NLGN1: variants seen among roughly 807,000 people sequenced by gnomAD.
The protein encoded by NLGN1 is neuroligin 1.
In NLGN1, 12 loss-of-function variants were observed where a neutral mutation model predicts 65.5. The ratio of observed to expected loss-of-function variants is 0.18; its 90% CI spans 0.12 to 0.30. NLGN1 has a LOEUF of 0.30. NLGN1 is among the 10% of genes least tolerant of loss of function. The pLI is 1.00. For missense variants in NLGN1, 750 were observed against 1,007.1 expected (o/e 0.74, Z 3.46); for synonymous variants, 350 against 359.5 (o/e 0.97, Z 0.30).
At chr3:173,839,976 A>C (rs1431015084) in intron 4 of NLGN1, among the ~76,000 whole-genome samples, 1 of 152,232 alleles carries the variant, frequency 6.6e-6, no homozygotes, top group African/African-American at 2.4e-5. Flanking sequence ...AGTGTGGTAG[A>C]TGTGGACATT....
rs117878188 is a variant in NLGN1, at chr3:173,519,182, T to G, written c.-321+84104T>G. On this transcript the variant is annotated intron_variant, in intron 2 of 6. Coordinates refer to ENST00000457714, the Ensembl canonical transcript of NLGN1. ...GAGTCTTGGAAGCCTCAGCCTAGATTACTATACTATGTATGGAAAAGCTGG... is the reference window on the plus strand; with the variant it reads ...GAGTCTTGGAAGCCTCAGCCTAGATGACTATACTATGTATGGAAAAGCTGG... 2.5e-3 allele frequency among the ~76,000 whole-genome samples: 385 copies of G among 152,318 alleles called. 13 individuals carry two copies. In the East Asian group the frequency reaches 0.065, roughly 26 times the overall value.
chr3:173,687,994 A>T (rs1764919560), intron 3 of NLGN1, among the ~76,000 whole-genome samples: 1 of 152,216 alleles, frequency 6.6e-6, no homozygotes, highest in Non-Finnish European at 1.5e-5. Context: ...GTCAGAAGGT[A>T]ATAATAAGGC....
intron 2 of NLGN1, among the ~76,000 whole-genome samples, chr3:173,534,524 A>G (rs1005070936): frequency 2.0e-5 from 3 of 152,148 alleles, no homozygotes; most frequent in Non-Finnish European, 2.9e-5. Context: ...ATTATTACAT[A>G]TGCCCTTAAA....
At chr3:173,591,401 G>T (rs1748458219) in intron 2 of NLGN1, among the ~76,000 whole-genome samples, 1 of 152,162 alleles carries the variant, frequency 6.6e-6, no homozygotes, top group Non-Finnish European at 1.5e-5. Flanking sequence ...CTCTAAGCCA[G>T]GTCAGGAGTG....
At chr3:174,077,026 G>T (rs1741157664) in intron 4 of NLGN1, among the ~76,000 whole-genome samples, 2 of 152,064 alleles carry the variant, frequency 1.3e-5, no homozygotes, top group African/African-American at 4.8e-5. Flanking sequence ...ATTCTCTACA[G>T]CTATTAATAA....
chr3:173,761,738 C>A (rs894039032), intron 3 of NLGN1, among the ~76,000 whole-genome samples: 4 of 152,110 alleles, frequency 2.6e-5, no homozygotes, highest in African/African-American at 7.2e-5. Context: ...AAGACCTTAG[C>A]CACCATTATA....
At chr3:173,668,833 AGGCT>A (rs1311063254) in intron 3 of NLGN1, among the ~76,000 whole-genome samples, 2 of 152,006 alleles carry the variant, frequency 1.3e-5, no homozygotes, top group African/African-American at 4.8e-5. Flanking sequence ...CATGTTGGTC[AGGCT>A]GGTCTTGAAC....
intron 2 of NLGN1, among the ~76,000 whole-genome samples, chr3:173,601,965 A>G (rs537912007): frequency 1.3e-5 from 2 of 152,066 alleles, no homozygotes; most frequent in Non-Finnish European, 2.9e-5. Flanking sequence ...CACTAGGATC[A>G]ATTTCTTAAA....
intron 3 of NLGN1, among the ~76,000 whole-genome samples, chr3:173,804,075 C>T (rs980881012): frequency 6.6e-6 from 1 of 152,092 alleles, no homozygotes; most frequent in Non-Finnish European, 1.5e-5. Context: ...TCTATTGACA[C>T]TTGCTACATT....
intron 4 of NLGN1, among the ~76,000 whole-genome samples, chr3:174,148,000 A>T (rs1235294910): frequency 1.3e-5 from 2 of 152,176 alleles, no homozygotes; most frequent in Non-Finnish European, 2.9e-5. Context: ...AATTACCAAC[A>T]TTCTGGTGTG....
At chr3:173,743,463 T>A (rs990731681) in intron 3 of NLGN1, among the ~76,000 whole-genome samples, 1 of 152,174 alleles carries the variant, frequency 6.6e-6, no homozygotes, top group Non-Finnish European at 1.5e-5. Context: ...TCATACTACT[T>A]CAGTGTCACT....
intron 4 of NLGN1, among the ~76,000 whole-genome samples, chr3:173,961,275 G>A (rs1391365327): frequency 1.3e-5 from 2 of 151,862 alleles, no homozygotes; most frequent in African/African-American, 4.8e-5. Flanking sequence ...ATGAAGGTAG[G>A]TAAATAAAAC....
intron 4 of NLGN1, among the ~76,000 whole-genome samples, chr3:174,178,788 C>T (rs1433986672): frequency 6.6e-6 from 1 of 151,984 alleles, no homozygotes. Flanking sequence ...TTATACTGAG[C>T]CTGACTTCCA....
chr3:173,602,216 C>G (rs1342345826), intron 2 of NLGN1, among the ~76,000 whole-genome samples: 3 of 151,972 alleles, frequency 2.0e-5, no homozygotes, highest in Non-Finnish European at 2.9e-5. Flanking sequence ...TTTTAATATA[C>G]TAAGGAAGCA....
chr3:174,171,310 C>T (rs1728478921), intron 4 of NLGN1, among the ~76,000 whole-genome samples: 1 of 144,302 alleles, frequency 6.9e-6, no homozygotes, highest in Non-Finnish European at 1.5e-5. Context: ...AATTTGCCTA[C>T]ATTTCTCTTC....
rs117685126 is a variant in NLGN1 at position 173,794,636 on chromosome 3, A to T, written c.494-13044A>T. Among the ~76,000 whole-genome samples, 12 of 152,308 alleles carry T rather than the reference A, an allele frequency of 7.9e-5. No homozygotes were observed. The East Asian group carries it at 2.1e-3, about 27-fold the overall frequency. Reference sequence around the variant, plus strand: ...CCAGAATAAAAGGAACATCAGTTTGAGATTCTTCAGGCTGTAGAAATACTG... The same window carrying T: ...CCAGAATAAAAGGAACATCAGTTTGTGATTCTTCAGGCTGTAGAAATACTG... On this transcript the variant is annotated intron_variant, in intron 3 of 6. Transcript: ENST00000457714.
At chr3:174,093,269 A>G (rs1744873751) in intron 4 of NLGN1, among the ~76,000 whole-genome samples, 1 of 152,202 alleles carries the variant, frequency 6.6e-6, no homozygotes, top group Admixed American at 6.5e-5. Context: ...AGTGAATTTA[A>G]CCAGATACAA....
chr3:173,734,336 TC>T (rs1442985788), intron 3 of NLGN1, among the ~76,000 whole-genome samples: 3 of 149,860 alleles, frequency 2.0e-5, no homozygotes, highest in Non-Finnish European at 4.4e-5. Context: ...GTGTTTTCAG[TC>T]TATTGAGAAT....
intron 4 of NLGN1, among the ~76,000 whole-genome samples, chr3:174,071,536 A>G (rs1461484181): frequency 6.6e-6 from 1 of 152,016 alleles, no homozygotes; most frequent in Admixed American, 6.6e-5. Flanking sequence ...AAACAAAACC[A>G]AAACACACAT....
Sources: allele counts gnomAD v4.1 joint callset (sites outside exome capture counted in the v4.1 genomes callset), GRCh38; gene constraint gnomAD v4.1.1; transcripts MANE v1.5; gene names NCBI Gene and HGNC (gene_info 2026-07-23, HGNC 2026-07-21).